CACNB4: variants seen among roughly 807,000 people sequenced by gnomAD.
CACNB4 encodes voltage-dependent L-type calcium channel subunit beta-4.
Under a neutral mutation model 71.2 loss-of-function variants are expected in CACNB4, and 32 were observed. That is an observed-to-expected ratio of 0.45 (90% CI 0.34 to 0.60). CACNB4 has a LOEUF of 0.60. Ranked by LOEUF, CACNB4 falls within the 20% of genes least tolerant of loss-of-function variation. CACNB4 has a pLI of 0.01. For missense variants in CACNB4, 464 were observed against 647.9 expected, an observed-to-expected ratio of 0.72 and a Z score of 3.08; for synonymous variants, 231 against 236.9, an observed-to-expected ratio of 0.97 and a Z score of 0.23.
Position 151,951,543 on chromosome 2 carries a change from T to C in CACNB4, c.148-68173A>G, listed in dbSNP as rs188025909. On this transcript the variant is annotated intron_variant, in intron 2 of 13. Transcript: ENST00000539935. ...GTGTGCTCCTTTGAGTGATGGAACC[T>C]GATAGTTTAAGAGAATGAGATATAT... Among the ~76,000 whole-genome samples the C allele has an allele frequency of 3.5e-4, 53 of 152,286 alleles. 1 individual carries two copies. The highest frequency in any genetic ancestry group is 1.0e-4 in the Non-Finnish European group (7 of 68,022).
intron 2 of CACNB4, among the ~76,000 whole-genome samples, chr2:151,977,979 T>G (rs1022867810): frequency 6.6e-6 from 1 of 152,242 alleles, no homozygotes; most frequent in African/African-American, 2.4e-5. Context: ...TCTTCTGCTC[T>G]GCAAGTAATA....
chr2:151,959,559 T>C (rs953621309), intron 2 of CACNB4, among the ~76,000 whole-genome samples: 1 of 152,240 alleles, frequency 6.6e-6, no homozygotes, highest in Non-Finnish European at 1.5e-5. Flanking sequence ...CAACTAGTTG[T>C]ACATCTTACA....
At chr2:152,026,236 C>T (rs192477679) in intron 2 of CACNB4, among the ~76,000 whole-genome samples, 41 of 152,312 alleles carry the variant, frequency 2.7e-4, no homozygotes, top group African/African-American at 7.5e-4. Context: ...GATCTTACTC[C>T]AGGACAGGGC....
chr2:151,957,257 C>CGTGTATGTGTGTGTGTGTGTGTGTGT lies in CACNB4; in HGVS notation c.148-73888_148-73887insACACACACACACACACACACATACAC, dbSNP rs3068823. 5.6e-4 allele frequency among the ~76,000 whole-genome samples: 74 copies of CGTGTATGTGTGTGTGTGTGTGTGTGT among 131,870 alleles called. 4 individuals carry two copies. Among genetic ancestry groups the CGTGTATGTGTGTGTGTGTGTGTGTGT allele is most frequent in the Admixed American group, 1.2e-3 (16 of 12,840 alleles). 86.5% of individuals were successfully genotyped at this position (131,870 alleles called of 152,430 possible). On this transcript the variant is annotated intron_variant, in intron 2 of 13. Coordinates refer to ENST00000539935, the MANE Select transcript of CACNB4 (RefSeq NM_000726.5). ...AGAAAAAAAAAGTAGAGTGGCTGGG[C>CGTGTATGTGTGTGTGTGTGTGTGTGT]GTGTGTGTGTGTGTGTGTGTGTGTG...
chr2:151,975,811 T>C (rs1269040651), intron 2 of CACNB4, among the ~76,000 whole-genome samples: 1 of 152,216 alleles, frequency 6.6e-6, no homozygotes, highest in African/African-American at 2.4e-5. Context: ...TCTCTTAAAT[T>C]CTCCAGATCA....
In CACNB4 at chr2:151,836,074, A is replaced by G. The variant is rs1355115446; in HGVS notation, c.*3045T>C. On this transcript the variant is annotated 3_prime_UTR_variant, in exon 14 of 14. Coordinates refer to ENST00000539935, the MANE Select transcript of CACNB4 (RefSeq NM_000726.5). The stretch of plus-strand genomic sequence containing the variant: ...TAAGTGTTGCTTTAAATATTAAACA[A>G]GATAATGTTGTTGGTTATAATATTA... 1 of 151,922 alleles carries G rather than the reference A, an allele frequency of 6.6e-6. No homozygotes were observed. Among genetic ancestry groups the G allele is most frequent in the Non-Finnish European group, 1.5e-5 (1 of 67,772 alleles). 9.4% of individuals were successfully genotyped at this position (151,922 alleles called of 1,614,324 possible). A position where few individuals can be genotyped will look rare whatever the true frequency, so the allele number is the denominator to read the frequency against.
At chr2:151,919,196 A>G (rs1417199068) in intron 2 of CACNB4, among the ~76,000 whole-genome samples, 2 of 152,188 alleles carry the variant, frequency 1.3e-5, no homozygotes, top group Non-Finnish European at 2.9e-5. Context: ...AGGTTTTGCC[A>G]AAGAGGGATG....
At chr2:151,935,304 C>A (rs2099862658) in intron 2 of CACNB4, among the ~76,000 whole-genome samples, 1 of 152,212 alleles carries the variant, frequency 6.6e-6, no homozygotes, top group African/African-American at 2.4e-5. Context: ...CTTTGGATAT[C>A]TGACTAATTT....
chr2:152,093,713 T>A (rs778858017), intron 2 of CACNB4, among the ~76,000 whole-genome samples: 21 of 151,944 alleles, frequency 1.4e-4, no homozygotes, highest in Non-Finnish European at 2.6e-4. Context: ...TCTAGTTGAG[T>A]TCTCAGCCAG....
intron 11 of CACNB4, chr2:151,854,555 G>A (rs2099839791): frequency 6.6e-6 from 1 of 152,012 alleles, no homozygotes; most frequent in African/African-American, 2.4e-5. Flanking sequence ...ACTTCCCAAG[G>A]GTAACCATTT....
At chr2:151,942,688 T>C (rs904735496) in intron 2 of CACNB4, among the ~76,000 whole-genome samples, 1 of 152,048 alleles carries the variant, frequency 6.6e-6, no homozygotes, top group Admixed American at 6.6e-5. Flanking sequence ...GGGAAAGGAA[T>C]TCATTCCTGG....
intron 2 of CACNB4, among the ~76,000 whole-genome samples, chr2:152,047,969 C>T (rs1685221136): frequency 1.3e-5 from 2 of 152,170 alleles, no homozygotes; most frequent in Non-Finnish European, 2.9e-5. Flanking sequence ...CTTAAGCATT[C>T]GCTGCTCAAT....
chr2:152,085,815 A>AC (rs1176486462), intron 2 of CACNB4, among the ~76,000 whole-genome samples: 14 of 126,574 alleles, frequency 1.1e-4, no homozygotes, highest in Non-Finnish European at 2.0e-4. Flanking sequence ...GCAGCCATTA[A>AC]AAAAAAAAAA....
At chr2:152,060,793 T>C (rs1201575740) in intron 2 of CACNB4, among the ~76,000 whole-genome samples, 2 of 152,198 alleles carry the variant, frequency 1.3e-5, no homozygotes, top group African/African-American at 2.4e-5. Flanking sequence ...GGAAAAGATG[T>C]CTACAATACA....
At position 152,021,679 on chromosome 2, in the gene CACNB4, T is replaced by C. The variant is rs184341972; in HGVS notation, c.147+76651A>G. On this transcript the variant is annotated intron_variant, in intron 2 of 13. Coordinates refer to ENST00000539935, the MANE Select transcript of CACNB4 (RefSeq NM_000726.5). ...ACGTATGTAAATCAATGATGCTTTA[T>C]CAAGGATAAAAATACCATTAGATTT... 5.3e-5 allele frequency among the ~76,000 whole-genome samples: 8 copies of C among 152,336 alleles called. No homozygotes were observed. In the East Asian group the frequency reaches 1.5e-3, roughly 29 times the overall value.
At chr2:152,021,582 C>G (rs554194637) in intron 2 of CACNB4, among the ~76,000 whole-genome samples, 6 of 152,282 alleles carry the variant, frequency 3.9e-5, no homozygotes, top group Non-Finnish European at 8.8e-5. Flanking sequence ...TTTGAAAATA[C>G]TGTCAAAACT....
At chr2:151,934,285 C>T (rs143578788) in intron 2 of CACNB4, among the ~76,000 whole-genome samples, 16 of 152,320 alleles carry the variant, frequency 1.1e-4, no homozygotes, top group Middle Eastern at 3.4e-3. Context: ...AATGTCGCCG[C>T]TTGGTCAGAT....
At chr2:151,929,349 G>T (rs1435123001) in intron 2 of CACNB4, among the ~76,000 whole-genome samples, 1 of 151,988 alleles carries the variant, frequency 6.6e-6, no homozygotes. Flanking sequence ...AAACTAAAAG[G>T]TAAGACTCAT....
At chr2:151,887,314 A>G (rs2099849599) in intron 2 of CACNB4, among the ~76,000 whole-genome samples, 1 of 152,154 alleles carries the variant, frequency 6.6e-6, no homozygotes, top group African/African-American at 2.4e-5. Context: ...CTAGTCCCTC[A>G]AAAGCTCTTA....
Sources: gnomAD v4.1 joint callset for allele counts (sites outside exome capture counted in the v4.1 genomes callset) on GRCh38, gnomAD v4.1.1 for gene constraint, MANE v1.5 for transcripts, NCBI Gene and HGNC (gene_info 2026-07-23, HGNC 2026-07-21) for gene names.